HLTF: variants seen among roughly 807,000 people sequenced by gnomAD.
HLTF encodes helicase like transcription factor.
A neutral mutation model predicts 129.4 loss-of-function variants in HLTF; 127 were observed. The observed-to-expected ratio is 0.98, with a 90% CI of 0.85 to 1.14. The LOEUF is 1.14. HLTF is among the 50% of genes most tolerant of loss of function. HLTF has a pLI of 0.00. For missense variants in HLTF, 1,139 were observed against 1,187.1 expected (o/e 0.96, Z 0.60); for synonymous variants, 332 against 388.8 (o/e 0.85, Z 1.72).
chr3:149,065,289 AG>A (rs1718266347), intron 8 of HLTF, among the ~76,000 whole-genome samples: 1 of 152,214 alleles, frequency 6.6e-6, no homozygotes, highest in Admixed American at 6.5e-5. Context: ...TAGAATTTGC[AG>A]GGCAAATAAC....
intron 4 of HLTF, 21 bp from the exon 5 acceptor site, chr3:149,073,343 A>C: frequency 6.7e-7 from 1 of 1,493,300 alleles, no homozygotes; most frequent in Non-Finnish European, 9.2e-7. Context: ...CAAAATAAAA[A>C]GAATAAAGCC....
intron 8 of HLTF, among the ~76,000 whole-genome samples, chr3:149,066,544 T>A (rs1202989329): frequency 6.6e-6 from 1 of 152,072 alleles, no homozygotes; most frequent in African/African-American, 2.4e-5. Flanking sequence ...TTTTTTTTTT[T>A]TAATAAATCC....
At chr3:149,081,587 G>A (rs1046915987) in intron 2 of HLTF, among the ~76,000 whole-genome samples, 8 of 152,040 alleles carry the variant, frequency 5.3e-5, no homozygotes, top group African/African-American at 1.7e-4. Flanking sequence ...AGACACGAAT[G>A]TGTAACACAA....
chr3:149,063,407 C>T, intron 10 of HLTF, 24 bp downstream of exon 10: 1 of 1,384,156 alleles, frequency 7.2e-7, no homozygotes, highest in South Asian at 1.2e-5. Context: ...AAACATATGA[C>T]ATAATCAAAC....
intron 2 of HLTF, 46 bp downstream of exon 2, chr3:149,084,636 A>G: frequency 1.5e-6 from 2 of 1,348,822 alleles, no homozygotes; most frequent in Non-Finnish European, 2.1e-6. Flanking sequence ...TTCTAGGTTA[A>G]CGCCAGAAAT....
At chr3:149,072,102 T>C (rs1718923760) in intron 5 of HLTF, among the ~76,000 whole-genome samples, 1 of 151,996 alleles carries the variant, frequency 6.6e-6, no homozygotes, top group Non-Finnish European at 1.5e-5. Flanking sequence ...CACAAACTAG[T>C]CAAACGCCAA....
At chr3:149,069,625 G>T (rs903596188) in intron 7 of HLTF, among the ~76,000 whole-genome samples, 1 of 152,086 alleles carries the variant, frequency 6.6e-6, no homozygotes, top group Admixed American at 6.6e-5. Flanking sequence ...AAACTATGAG[G>T]GTTAGCTAGA....
intron 3 of HLTF, among the ~76,000 whole-genome samples, chr3:149,074,852 T>A (rs1719210048): frequency 6.6e-6 from 1 of 152,120 alleles, no homozygotes; most frequent in South Asian, 2.1e-4. Flanking sequence ...TCCTAAAAAT[T>A]AGAATTAGAA....
Position 149,063,507 on chromosome 3 carries a change from C to T in HLTF, c.1084G>A (p.Glu362Lys). The T allele has an allele frequency of 6.2e-7, 1 of 1,605,224 alleles. No individual in the cohort carries two copies. The highest frequency in any genetic ancestry group is 8.5e-7 in the Non-Finnish European group (1 of 1,172,222). The change falls in exon 10 of 25, where the codon GAA becomes AAA. Residue 362 changes from glutamate (E) to lysine (K), a missense_variant. Glu to Lys is a moderately conservative substitution (Grantham distance 56, BLOSUM62 1). Coordinates refer to ENST00000310053, the MANE Select transcript of HLTF (RefSeq NM_003071.4). ...TTGATATCTGAAATACTGGGTTGTTCACTACATCTAGATGCGTCTATTTCA... is the reference window on the plus strand; with the variant it reads ...TTGATATCTGAAATACTGGGTTGTTTACTACATCTAGATGCGTCTATTTCA... ...GLSKDASRCSEQPSISDIKEK... is the reference protein window; with the variant it reads ...GLSKDASRCSKQPSISDIKEK...
chr3:149,047,416 A>G (rs1163027616), intron 17 of HLTF, among the ~76,000 whole-genome samples: 2 of 152,114 alleles, frequency 1.3e-5, no homozygotes, highest in Non-Finnish European at 2.9e-5. Flanking sequence ...TCGAGGCAAG[A>G]GGATAACCTG....
At chr3:149,070,570 G>C (rs1180962704) in intron 7 of HLTF, among the ~76,000 whole-genome samples, 1 of 151,998 alleles carries the variant, frequency 6.6e-6, no homozygotes, top group Non-Finnish European at 1.5e-5. Flanking sequence ...GAGTAGAAAG[G>C]GTTACTGAGA....
Position 149,030,397 on chromosome 3 carries a change from T to G in HLTF, c.*1823A>C, listed in dbSNP as rs1024698654. ...AGAACTGTACAAAACAAAGAGACAT[T>G]TTTTAAACAACTTGCCAAACTTACT... On this transcript the variant is annotated 3_prime_UTR_variant, in exon 25 of 25. Coordinates refer to ENST00000310053, the MANE Select transcript of HLTF (RefSeq NM_003071.4). The G allele has an allele frequency of 1.5e-4, 23 of 152,212 alleles. No individual in the cohort carries two copies. The highest frequency in any genetic ancestry group is 1.3e-3 in the Admixed American group (20 of 15,292). The allele number at this position is 152,212 out of a possible 1,614,324, so 9.4% of individuals were successfully genotyped here.
chr3:149,075,015 G>A (rs998093572), intron 3 of HLTF, among the ~76,000 whole-genome samples: 73 of 152,288 alleles, frequency 4.8e-4, no homozygotes, highest in African/African-American at 1.7e-3. Flanking sequence ...GCTAAAGGGA[G>A]AGTTCCAGTC....
intron 2 of HLTF, among the ~76,000 whole-genome samples, chr3:149,078,653 C>A (rs1156381548): frequency 1.3e-5 from 2 of 151,998 alleles, no homozygotes; most frequent in African/African-American, 4.8e-5. Flanking sequence ...GTCAGGAGAT[C>A]GAGACCATCC....
chr3:149,035,572 G>A (rs1387160262), intron 23 of HLTF, among the ~76,000 whole-genome samples: 1 of 148,250 alleles, frequency 6.7e-6, no homozygotes, highest in Non-Finnish European at 1.5e-5. Context: ...GCAGGAGAAT[G>A]GCCTGAACCC....
At chr3:149,037,576 G>A (rs1414030375) in intron 23 of HLTF, among the ~76,000 whole-genome samples, 1 of 152,030 alleles carries the variant, frequency 6.6e-6, no homozygotes, top group Non-Finnish European at 1.5e-5. Flanking sequence ...TTACTGAGAA[G>A]GATACCGTCA....
intron 13 of HLTF, among the ~76,000 whole-genome samples, chr3:149,056,981 C>T (rs1186506891): frequency 6.6e-6 from 1 of 151,170 alleles, no homozygotes; most frequent in Non-Finnish European, 1.5e-5. Flanking sequence ...AGGTGGCGGG[C>T]GCCTGTAGTC....
At chr3:149,040,237 C>T in intron 20 of HLTF, 81 bp from the exon 21 acceptor site, 1 of 1,224,248 alleles carries the variant, frequency 8.2e-7, no homozygotes. Context: ...TAAATGTATG[C>T]TAAAATCTGT....
intron 13 of HLTF, among the ~76,000 whole-genome samples, chr3:149,055,689 T>A (rs1559867081): frequency 6.6e-6 from 1 of 152,214 alleles, no homozygotes; most frequent in Non-Finnish European, 1.5e-5. Flanking sequence ...AACATTTGTT[T>A]TATGCAGTTT....
Sources: gnomAD v4.1 joint callset for allele counts (sites outside exome capture counted in the v4.1 genomes callset) on GRCh38, gnomAD v4.1.1 for gene constraint, MANE v1.5 for transcripts, NCBI Gene and HGNC (gene_info 2026-07-23, HGNC 2026-07-21) for gene names.